Variants in CARD8 observed in about 807,000 individuals in gnomAD.
CARD8 encodes the protein caspase recruitment domain family member 8.
A neutral mutation model predicts 53.2 loss-of-function variants in CARD8; 38 were observed. The observed-to-expected ratio is 0.71, with a 90% confidence interval of 0.55 to 0.94. CARD8 has a LOEUF of 0.94. CARD8 is among the 40% of genes least tolerant of loss of function. CARD8 has a pLI of 0.00. For synonymous variants in CARD8, 245 were observed against 244.9 expected (o/e 1.00, Z 0.00); for missense variants, 561 against 655.5 (o/e 0.86, Z 1.57).
chr19:48,220,823 A>G (rs1312816195), intron 11 of CARD8, among the ~76,000 whole-genome samples: 2 of 151,982 alleles, frequency 1.3e-5, no homozygotes, highest in East Asian at 3.8e-4. Context: ...AGGCAGGAGA[A>G]TCACTTGAAC....
intron 10 of CARD8, among the ~76,000 whole-genome samples, chr19:48,225,914 A>G (rs1311138073): frequency 6.6e-6 from 1 of 152,020 alleles, no homozygotes. Context: ...TTAGCCGGGC[A>G]TGGTGGCGTG....
At position 48,209,401 on chromosome 19, in the gene CARD8, T is replaced by A. The variant is rs573258595; in HGVS notation, c.*2309A>T. ...GAGAACAAAATGGAAATTTTAGAAC[T>A]GATACATACAGTGACCAAAATTTAA... On this transcript the variant is annotated 3_prime_UTR_variant, in exon 14 of 14. Coordinates refer to ENST00000651546, the MANE Select transcript of CARD8 (RefSeq NM_001184900.3). 4 of 152,214 alleles carry A rather than the reference T, an allele frequency of 2.6e-5. No homozygotes were observed. Among genetic ancestry groups the A allele is most frequent in the African/African-American group, 9.6e-5 (4 of 41,536 alleles). The allele number at this position is 152,214 out of a possible 1,614,324, so 9.4% of individuals were successfully genotyped here.
At position 48,230,768 on chromosome 19, in the gene CARD8, C is replaced by G; in HGVS notation, c.772+9G>C. The G allele has an allele frequency of 6.2e-7, 1 of 1,613,952 alleles. No homozygotes were observed. Among genetic ancestry groups the G allele is most frequent in the Non-Finnish European group, 8.5e-7 (1 of 1,179,842 alleles). On this transcript the variant is annotated intron_variant, in intron 9 of 13. Coordinates refer to ENST00000651546, the MANE Select transcript of CARD8 (RefSeq NM_001184900.3). ...GCGGCCCCCACAGCCTCCGCTCACC[C>G]CACATTACCTTGGAGGGAGATGAAG...
intron 10 of CARD8, among the ~76,000 whole-genome samples, chr19:48,227,112 GAAAAT>G (rs2041941677): frequency 6.7e-6 from 1 of 150,362 alleles, no homozygotes; most frequent in South Asian, 2.1e-4. Context: ...AGAAAGAAAA[GAAAAT>G]AAGTGGAGGA....
chr19:48,231,746 G>T lies in CARD8; in HGVS notation c.456C>A (p.Ile152=). The part of the protein sequence containing the change: ...SSYASKVCFE[I]EEDYKNRQFL... ...ACTGACGATTTTTATAATCTTCTTCGATCTCAAAACAGACTTTAGAAGCAT... is the reference window on the plus strand; with the variant it reads ...ACTGACGATTTTTATAATCTTCTTCTATCTCAAAACAGACTTTAGAAGCAT... Residue 152 remains isoleucine (I), a synonymous_variant, in exon 8 of 14, where the codon ATC becomes ATA. Coordinates refer to ENST00000651546, the MANE Select transcript of CARD8 (RefSeq NM_001184900.3). 6.2e-7 allele frequency: 1 copy of T among 1,613,228 alleles called. No individual in the cohort carries two copies. The highest frequency in any genetic ancestry group is 8.5e-7 in the Non-Finnish European group (1 of 1,179,600).
rs911898002 is a variant in CARD8, at chr19:48,219,407, G to A, written c.1162-395C>T. Among the ~76,000 whole-genome samples the A allele has an allele frequency of 2.0e-4, 31 of 152,064 alleles. 1 individual carries two copies. Among genetic ancestry groups the A allele is most frequent in the Admixed American group, 5.9e-4 (9 of 15,254 alleles). On this transcript the variant is annotated intron_variant, in intron 11 of 13. Transcript: ENST00000651546. Reference sequence around the variant, plus strand: ...CTCTGAGCCTCGCTGGGAAGCCGGGGTCAGATAAGCCATTTCAGGTCCCTC... The same window carrying A: ...CTCTGAGCCTCGCTGGGAAGCCGGGATCAGATAAGCCATTTCAGGTCCCTC...
At chr19:48,203,782 T>C (rs532276993), downstream of CARD8, 23 of 169,686 alleles carry the variant, frequency 1.4e-4, no homozygotes, top group South Asian at 1.4e-3. Flanking sequence ...CGATGTTTCA[T>C]TGTTGCTATA....
At chr19:48,219,895 C>T (rs2040142205) in intron 11 of CARD8, among the ~76,000 whole-genome samples, 1 of 152,064 alleles carries the variant, frequency 6.6e-6, no homozygotes, top group East Asian at 1.9e-4. Flanking sequence ...CGCTTGAACC[C>T]AGGGAAAGAA....
chr19:48,238,570 C>G, intron 4 of CARD8, 38 bp from the exon 5 acceptor site: 1 of 1,528,786 alleles, frequency 6.5e-7, no homozygotes, highest in Non-Finnish European at 8.8e-7. Context: ...GTGAGCATGT[C>G]AGAGGAGCTC....
intron 3 of CARD8, among the ~76,000 whole-genome samples, chr19:48,243,008 T>G (rs2045475397): frequency 1.3e-5 from 2 of 152,004 alleles, no homozygotes; most frequent in South Asian, 4.1e-4. Flanking sequence ...AAAATACATA[T>G]TATTAATAGC....
chr19:48,215,833 G>C (rs1456866611), intron 12 of CARD8, among the ~76,000 whole-genome samples: 1 of 152,048 alleles, frequency 6.6e-6, no homozygotes, highest in Non-Finnish European at 1.5e-5. Flanking sequence ...CTACCATTTT[G>C]GAAAATAATT....
chr19:48,229,850 C>A (rs562776114), intron 10 of CARD8, among the ~76,000 whole-genome samples: 1 of 152,124 alleles, frequency 6.6e-6, no homozygotes, highest in African/African-American at 2.4e-5. Flanking sequence ...TGGTGGCTCA[C>A]GCCTGTAATC....
At chr19:48,243,165 A>C (rs1029528094) in intron 3 of CARD8, among the ~76,000 whole-genome samples, 1 of 152,148 alleles carries the variant, frequency 6.6e-6, no homozygotes, top group Non-Finnish European at 1.5e-5. Context: ...TGCGTGAGCC[A>C]TGACGCCTGG....
intron 13 of CARD8, among the ~76,000 whole-genome samples, chr19:48,213,556 TA>T (rs2123893254): frequency 1.3e-5 from 2 of 152,256 alleles, no homozygotes; most frequent in South Asian, 4.2e-4. Flanking sequence ...GTATTTTTAG[TA>T]GAGGCAGGGT....
At chr19:48,227,745 G>T (rs2042068313) in intron 10 of CARD8, among the ~76,000 whole-genome samples, 1 of 150,464 alleles carries the variant, frequency 6.6e-6, no homozygotes, top group African/African-American at 2.5e-5. Flanking sequence ...AGAGGTTGCA[G>T]TGGGCCGAGA....
At chr19:48,220,848 T>C (rs1010459239) in intron 11 of CARD8, among the ~76,000 whole-genome samples, 8 of 151,462 alleles carry the variant, frequency 5.3e-5, no homozygotes, top group Non-Finnish European at 2.9e-5. Flanking sequence ...GAGGCGGCGG[T>C]TGTAGTGGGC....
intron 5 of CARD8, among the ~76,000 whole-genome samples, chr19:48,236,561 A>G (rs1167224559): frequency 6.6e-6 from 1 of 152,110 alleles, no homozygotes; most frequent in East Asian, 1.9e-4. Flanking sequence ...TCTACCATCC[A>G]TGGTCCCCGG....
At chr19:48,226,444 C>T (rs1461528186) in intron 10 of CARD8, among the ~76,000 whole-genome samples, 6 of 152,146 alleles carry the variant, frequency 3.9e-5, no homozygotes, top group Admixed American at 2.0e-4. Context: ...AGGCTGGTCT[C>T]GAACTCCTGG....
chr19:48,231,143 C>A, intron 8 of CARD8, 137 bp from the exon 9 acceptor site: 1 of 671,612 alleles, frequency 1.5e-6, no homozygotes, highest in Non-Finnish European at 2.6e-6. Flanking sequence ...TTAGAAAACG[C>A]TGGGGAGTTC....
Sources: gnomAD v4.1 joint callset for allele counts (sites outside exome capture counted in the v4.1 genomes callset) on GRCh38, gnomAD v4.1.1 for gene constraint, MANE v1.5 for transcripts, NCBI Gene and HGNC (gene_info 2026-07-23, HGNC 2026-07-21) for gene names.